Variants in SLF1 observed in about 807,000 individuals in gnomAD.
SLF1 encodes SMC5/6 complex localization factor 1.
Under a neutral mutation model 123.0 loss-of-function variants are expected in SLF1, and 105 were observed. That is an observed-to-expected ratio of 0.85 (90% CI 0.73 to 1.00). The LOEUF (loss-of-function observed/expected upper bound fraction) is 1.00, where lower values mean the gene tolerates loss of function less well. SLF1 is among the 50% of genes least tolerant of loss of function. The probability of loss-of-function intolerance (pLI) is 0.00; values close to 1 mark genes in which losing one functional copy is unlikely to be tolerated. For synonymous variants in SLF1, 434 were observed against 406.6 expected (o/e 1.07, Z -0.81); for missense variants, 1,239 against 1,223.0 (o/e 1.01, Z -0.20).
At chr5:94,651,525 A>C (rs1469706400) in intron 6 of SLF1, among the ~76,000 whole-genome samples, 177 bp from the exon 7 acceptor site, 2 of 152,208 alleles carry the variant, frequency 1.3e-5, no homozygotes, top group Non-Finnish European at 2.9e-5. Context: ...AACTGAAAAC[A>C]ATTATGTTCT....
At chr5:94,623,190 A>G (rs1458095554) in intron 1 of SLF1, among the ~76,000 whole-genome samples, 1 of 152,212 alleles carries the variant, frequency 6.6e-6, no homozygotes, top group Non-Finnish European at 1.5e-5. Context: ...GGCACCAACT[A>G]CAAAGGAATT....
chr5:94,663,658 A>C, intron 10 of SLF1, 92 bp from the exon 11 acceptor site: 1 of 1,100,174 alleles, frequency 9.1e-7, no homozygotes, highest in Non-Finnish European at 1.3e-6. Context: ...TGAATGAATG[A>C]ATAAATAAAT....
chr5:94,691,541 A>T, intron 18 of SLF1, 23 bp from the exon 19 acceptor site: 1 of 1,582,702 alleles, frequency 6.3e-7, no homozygotes, highest in Admixed American at 1.7e-5. Flanking sequence ...TCTCTGGAAT[A>T]ATCTATTAAT....
At position 94,689,568 on chromosome 5, in the gene SLF1, T is replaced by C; in HGVS notation, c.2381T>C (p.Val794Ala). Residue 794 changes from valine (V) to alanine (A), a missense_variant, in exon 18 of 21, where the codon GTA becomes GCA. Transcript: ENST00000265140. Reference sequence around the variant, plus strand: ...TGTTCCAAGGAGAATTGCCCCTCTGTAGTTAAAAAGATGAATTTTCACAAG... The same window carrying C: ...TGTTCCAAGGAGAATTGCCCCTCTGCAGTTAAAAAGATGAATTTTCACAAG... The part of the protein sequence containing the change: ...LSCSKENCPS[V>A]VKKMNFHKTN... The C allele has an allele frequency of 1.9e-6, 3 of 1,610,722 alleles. No individual in the cohort carries two copies. The highest frequency in any genetic ancestry group is 2.5e-6 in the Non-Finnish European group (3 of 1,177,970).
chr5:94,684,697 CAAAAAAAAAAAA>C (rs397882900), intron 15 of SLF1, among the ~76,000 whole-genome samples: 9 of 68,850 alleles, frequency 1.3e-4, no homozygotes, highest in South Asian at 5.9e-4. Context: ...GACTCTGTCT[CAAAAAAAAAAAA>C]AAAAAAAAAA....
chr5:94,632,188 C>T (rs893501846), intron 4 of SLF1, among the ~76,000 whole-genome samples: 12 of 152,006 alleles, frequency 7.9e-5, no homozygotes, highest in African/African-American at 2.7e-4. Context: ...GCACTGTTAA[C>T]GAAAATCAAT....
At chr5:94,654,394 G>GAAAAAAA (rs11427225) in intron 8 of SLF1, among the ~76,000 whole-genome samples, 2 of 106,758 alleles carry the variant, frequency 1.9e-5, no homozygotes, top group African/African-American at 7.2e-5. Context: ...AGAGTAAAAA[G>GAAAAAAA]AAAAAAAAAA....
intron 20 of SLF1, among the ~76,000 whole-genome samples, 177 bp downstream of exon 20, chr5:94,692,433 A>C (rs1412896298): frequency 1.3e-5 from 2 of 152,144 alleles, no homozygotes; most frequent in Non-Finnish European, 2.9e-5. Flanking sequence ...ATTATTAGAG[A>C]TAAAATCCTT....
intron 4 of SLF1, 66 bp from the exon 5 acceptor site, chr5:94,643,207 T>C (rs1418306055): frequency 5.6e-6 from 7 of 1,247,222 alleles, no homozygotes; most frequent in Non-Finnish European, 6.6e-6. Flanking sequence ...AATAATTAAT[T>C]TAGATAATTT....
Position 94,695,308 on chromosome 5 carries a change from C to T in SLF1, c.3173C>T (p.Ser1058Leu), listed in dbSNP as rs1753451285. 1 of 1,601,534 alleles carries T rather than the reference C, an allele frequency of 6.2e-7. No homozygotes were observed. Among genetic ancestry groups the T allele is most frequent in the Admixed American group, 1.7e-5 (1 of 58,822 alleles). Residue 1058 changes from serine to leucine, a missense_variant, in exon 21 of 21, where the codon TCA (serine) becomes TTA (leucine). Coordinates refer to ENST00000265140, the MANE Select transcript of SLF1 (RefSeq NM_032290.4). ...EMMCRSVMEFS is the reference protein window; with the variant it reads ...EMMCRSVMEFL ...ATGTGTCGGTCAGTCATGGAGTTTT[C>T]ATGATGATGCTAGAAAGTATGGATT...
chr5:94,666,976 T>A lies in SLF1; in HGVS notation c.1532+952T>A, dbSNP rs918381893. 3.3e-4 allele frequency among the ~76,000 whole-genome samples: 45 copies of A among 134,780 alleles called. 1 individual carries two copies. Among genetic ancestry groups the A allele is most frequent in the African/African-American group, 1.1e-3 (41 of 36,048 alleles). The allele number at this position is 134,780 out of a possible 152,430, so 88.4% of individuals were successfully genotyped here. A position where few individuals can be genotyped will look rare whatever the true frequency, so the allele number is the denominator to read the frequency against. On this transcript the variant is annotated intron_variant, in intron 12 of 20. Transcript: ENST00000265140. ...ATCTTTTTTTTTTTTTTTTTTTTTT[T>A]AATTTAAGTGTCCAGTTTCAGGAGG...
At position 94,653,284 on chromosome 5, in the gene SLF1, A is replaced by G; in HGVS notation, c.895A>G (p.Lys299Glu). Residue 299 changes from lysine to glutamate, a missense_variant, in exon 8 of 21, where the codon AAA becomes GAA. Physicochemically the swap from Lys to Glu is moderately conservative, Grantham distance 56. Transcript: ENST00000265140. ...TAAATACATGTAGAAGGAAATTAAGAAAAAAGATGAAGATATTCAGAGGAG... is the reference window on the plus strand; with the variant it reads ...TAAATACATGTAGAAGGAAATTAAGGAAAAAGATGAAGATATTCAGAGGAG... ...HTYENQKEIK[K>E]KDEDIQRSYT... 6.6e-7 allele frequency: 1 copy of G among 1,525,328 alleles called. No homozygotes were observed. The highest frequency in any genetic ancestry group is 2.5e-5 in the East Asian group (1 of 40,348). 94.5% of individuals were successfully genotyped at this position (1,525,328 alleles called of 1,614,324 possible). A position where few individuals can be genotyped will look rare whatever the true frequency, so the allele number is the denominator to read the frequency against.
intron 4 of SLF1, among the ~76,000 whole-genome samples, chr5:94,634,115 A>G (rs1745496018): frequency 6.6e-6 from 1 of 152,214 alleles, no homozygotes; most frequent in South Asian, 2.1e-4. Context: ...TACTGATAGA[A>G]TAATTTAATT....
intron 10 of SLF1, among the ~76,000 whole-genome samples, chr5:94,662,682 A>G (rs1379554537): frequency 1.3e-5 from 2 of 152,214 alleles, no homozygotes; most frequent in Non-Finnish European, 2.9e-5. Flanking sequence ...TGTGATATTT[A>G]CAAAAGTGTA....
chr5:94,656,990 ATTT>A (rs1561447934), intron 9 of SLF1, among the ~76,000 whole-genome samples: 1 of 148,924 alleles, frequency 6.7e-6, no homozygotes, highest in Admixed American at 6.7e-5. Flanking sequence ...GCTCTTTATT[ATTT>A]ATTTAAAATT....
chr5:94,693,480 T>C (rs1753253368), intron 20 of SLF1, among the ~76,000 whole-genome samples: 1 of 152,038 alleles, frequency 6.6e-6, no homozygotes, highest in South Asian at 2.1e-4. Context: ...CTAGGGCTCT[T>C]AGTGGAGAAT....
chr5:94,660,165 G>A (rs959663160), intron 9 of SLF1, among the ~76,000 whole-genome samples: 10 of 152,162 alleles, frequency 6.6e-5, no homozygotes, highest in Non-Finnish European at 4.4e-5. Context: ...CCCAGATGGT[G>A]TATTTGGGCA....
chr5:94,656,329 C>G (rs1294028617), intron 9 of SLF1, among the ~76,000 whole-genome samples: 2 of 151,722 alleles, frequency 1.3e-5, no homozygotes, highest in East Asian at 1.9e-4. Context: ...TGACAATACA[C>G]TATGATCAAT....
intron 14 of SLF1, among the ~76,000 whole-genome samples, chr5:94,677,682 A>G (rs1323477189): frequency 1.3e-5 from 2 of 152,176 alleles, no homozygotes; most frequent in African/African-American, 4.8e-5. Context: ...TAACAAGAAC[A>G]TAAGAATTTC....
Sources: gnomAD v4.1 joint callset for allele counts (sites outside exome capture counted in the v4.1 genomes callset) on GRCh38, gnomAD v4.1.1 for gene constraint, MANE v1.5 for transcripts, NCBI Gene and HGNC (gene_info 2026-07-23, HGNC 2026-07-21) for gene names.